ROBO2: variants seen among roughly 807,000 people sequenced by gnomAD.
ROBO2 encodes the protein roundabout guidance receptor 2.
In ROBO2, 53 loss-of-function variants were observed where a neutral mutation model predicts 160.8. The ratio of observed to expected loss-of-function variants is 0.33; its 90% CI spans 0.26 to 0.41. The LOEUF (loss-of-function observed/expected upper bound fraction) is 0.41. Among genes scored for constraint, ROBO2 ranks in the 10% least tolerant of loss-of-function variants. The pLI is 1.00. For synonymous variants in ROBO2, 664 were observed against 611.7 expected, an observed-to-expected ratio of 1.09 and a Z score of -1.26; for missense variants, 1,577 against 1,722.4, an observed-to-expected ratio of 0.92 and a Z score of 1.49.
intron 2 of ROBO2, among the ~76,000 whole-genome samples, chr3:76,866,503 T>C (rs1196062346): frequency 6.6e-6 from 1 of 152,152 alleles, no homozygotes; most frequent in Non-Finnish European, 1.5e-5. Flanking sequence ...ACCAAATAGT[T>C]GGTTTTATTA....
At chr3:76,553,998 C>A (rs2083563297) in intron 2 of ROBO2, among the ~76,000 whole-genome samples, 1 of 152,034 alleles carries the variant, frequency 6.6e-6, no homozygotes. Flanking sequence ...TACCAGGAGA[C>A]CCAGAAAATT....
At chr3:76,768,943 C>T (rs946599351) in intron 2 of ROBO2, among the ~76,000 whole-genome samples, 2 of 151,344 alleles carry the variant, frequency 1.3e-5, no homozygotes, top group Non-Finnish European at 3.0e-5. Flanking sequence ...AACAAAAGTA[C>T]AATCTTTTTA....
Position 77,349,360 on chromosome 3 carries a change from A to G in ROBO2, c.389-128054A>G, listed in dbSNP as rs537024037. Among the ~76,000 whole-genome samples, 20 of 152,266 alleles carry G rather than the reference A, an allele frequency of 1.3e-4. 1 individual carries two copies. Among genetic ancestry groups the G allele is most frequent in the African/African-American group, 4.6e-4 (19 of 41,568 alleles). ...CCAAAACTCAATTCTCTTGACTCCTAACCCGGTTTCCATTCCACTACAATA... is the reference window on the plus strand; with the variant it reads ...CCAAAACTCAATTCTCTTGACTCCTGACCCGGTTTCCATTCCACTACAATA... On this transcript the variant is annotated intron_variant, in intron 2 of 25. Coordinates refer to ENST00000461745, the Ensembl canonical transcript of ROBO2.
chr3:76,618,342 G>A (rs2088765261), intron 2 of ROBO2, among the ~76,000 whole-genome samples: 1 of 151,020 alleles, frequency 6.6e-6, no homozygotes, highest in African/African-American at 2.4e-5. Context: ...ATTTATAGGT[G>A]GTTTTCACAA....
At chr3:76,721,281 C>A (rs1159122407) in intron 2 of ROBO2, among the ~76,000 whole-genome samples, 1 of 135,878 alleles carries the variant, frequency 7.4e-6, no homozygotes, top group Middle Eastern at 3.6e-3. Context: ...GTATTTTGTA[C>A]ATTACCTGAG....
At chr3:77,275,800 C>T (rs530231459) in intron 2 of ROBO2, among the ~76,000 whole-genome samples, 23 of 152,002 alleles carry the variant, frequency 1.5e-4, no homozygotes, top group Non-Finnish European at 2.9e-4. Context: ...CAATATGATA[C>T]CAAATATATC....
chr3:76,511,792 TCTGA>T (rs138307330), intron 2 of ROBO2, among the ~76,000 whole-genome samples: 3,514 of 152,316 alleles, frequency 0.023, 55 homozygotes, highest in South Asian at 0.045. Flanking sequence ...AAAAATTATA[TCTGA>T]CTTCCTTTCA....
intron 2 of ROBO2, among the ~76,000 whole-genome samples, chr3:75,950,543 A>T (rs890598381): frequency 6.6e-6 from 1 of 152,078 alleles, no homozygotes; most frequent in African/African-American, 2.4e-5. Flanking sequence ...ATAGAAGAGG[A>T]TGTGTGTAGA....
intron 2 of ROBO2, among the ~76,000 whole-genome samples, chr3:76,707,855 T>C (rs1197828355): frequency 6.6e-6 from 1 of 151,666 alleles, no homozygotes; most frequent in Admixed American, 6.6e-5. Context: ...GCCAACTGGC[T>C]AAGGCTGTGT....
At chr3:76,064,043 C>T (rs541324863) in intron 2 of ROBO2, among the ~76,000 whole-genome samples, 11 of 152,114 alleles carry the variant, frequency 7.2e-5, no homozygotes, top group Admixed American at 3.3e-4. Context: ...GAAACAGGGA[C>T]GTTAGTCCTC....
chr3:76,136,177 G>T (rs1050890520), intron 2 of ROBO2, among the ~76,000 whole-genome samples: 1 of 151,950 alleles, frequency 6.6e-6, no homozygotes. Context: ...ATTTTTGGAA[G>T]GTATTATTGG....
chr3:76,870,226 A>G (rs1421707072), intron 2 of ROBO2, among the ~76,000 whole-genome samples: 1 of 152,240 alleles, frequency 6.6e-6, no homozygotes, highest in Non-Finnish European at 1.5e-5. Flanking sequence ...GCCTTGTGCA[A>G]ATAAATGATT....
At chr3:77,536,653 G>T (rs1479470047) in intron 6 of ROBO2, among the ~76,000 whole-genome samples, 1 of 152,068 alleles carries the variant, frequency 6.6e-6, no homozygotes, top group Non-Finnish European at 1.5e-5. Flanking sequence ...GACTTCCACA[G>T]GACAGAGATC....
intron 2 of ROBO2, among the ~76,000 whole-genome samples, chr3:76,087,383 A>G (rs960211283): frequency 1.3e-5 from 2 of 152,108 alleles, no homozygotes; most frequent in African/African-American, 2.4e-5. Flanking sequence ...TTCTTGATAG[A>G]AATAAAAAAC....
At chr3:76,519,322 A>G (rs1341214020) in intron 2 of ROBO2, among the ~76,000 whole-genome samples, 1 of 152,220 alleles carries the variant, frequency 6.6e-6, no homozygotes, top group Non-Finnish European at 1.5e-5. Context: ...AGTAGTTGTA[A>G]CAGGGACAGT....
chr3:76,197,705 GT>G (rs1702328248), intron 2 of ROBO2, among the ~76,000 whole-genome samples: 1 of 152,194 alleles, frequency 6.6e-6, no homozygotes, highest in African/African-American at 2.4e-5. Context: ...TGTCCTACAT[GT>G]GAGGAAATAG....
At chr3:77,600,420 G>C (rs547970581) in intron 19 of ROBO2, among the ~76,000 whole-genome samples, 3 of 152,198 alleles carry the variant, frequency 2.0e-5, no homozygotes, top group Non-Finnish European at 4.4e-5. Flanking sequence ...GGAGAGGAGA[G>C]ATTCAATTTC....
At chr3:76,770,893 G>C (rs72894230) in intron 2 of ROBO2, among the ~76,000 whole-genome samples, 3,038 of 151,244 alleles carry the variant, frequency 0.02, 100 homozygotes, top group African/African-American at 0.068. Context: ...AGGATGCTCC[G>C]ATACTTCCTT....
chr3:76,562,723 T>C (rs1435093865), intron 2 of ROBO2, among the ~76,000 whole-genome samples: 1 of 152,224 alleles, frequency 6.6e-6, no homozygotes, highest in Non-Finnish European at 1.5e-5. Flanking sequence ...TATTTTGTCA[T>C]GTCTTTCTTT....
Sources: allele counts gnomAD v4.1 joint callset (sites outside exome capture counted in the v4.1 genomes callset), GRCh38; gene constraint gnomAD v4.1.1; transcripts MANE v1.5; gene names NCBI Gene and HGNC (gene_info 2026-07-23, HGNC 2026-07-21).